Variants in GABBR2 observed in about 807,000 individuals in gnomAD.
The protein encoded by GABBR2 is G-protein coupled receptor 51.
GABBR2 carries 23 observed loss-of-function variants against 105.6 expected under a neutral mutation model. That is an observed-to-expected ratio of 0.22 (90% CI 0.16 to 0.31). GABBR2 has a LOEUF of 0.31. Among genes scored for constraint, GABBR2 ranks in the 10% least tolerant of loss-of-function variants. The pLI, the probability that GABBR2 is intolerant of heterozygous loss-of-function variation, is 1.00. For missense variants in GABBR2, 734 were observed against 1,245.5 expected (o/e 0.59, Z 6.18); for synonymous variants, 478 against 499.7 (o/e 0.96, Z 0.58).
At chr9:98,688,980 C>T (rs1830653523) in intron 1 of GABBR2, among the ~76,000 whole-genome samples, 1 of 152,206 alleles carries the variant, frequency 6.6e-6, no homozygotes, top group African/African-American at 2.4e-5. Flanking sequence ...ACGTTCAGGA[C>T]AGATAAGCCA....
chr9:98,660,350 G>T (rs139607893), intron 1 of GABBR2, among the ~76,000 whole-genome samples: 1 of 152,270 alleles, frequency 6.6e-6, no homozygotes, highest in African/African-American at 2.4e-5. Context: ...ATGAAAATAC[G>T]TATTTCCTTA....
chr9:98,288,545 T>TG lies in GABBR2; in HGVS notation c.*2038_*2039insC, dbSNP rs796982372. Reference sequence around the variant, plus strand: ...ATAATATTTCTACAGGTATTTTTTTTTGTGTGTGTGTATACATTATGTACA... The same window carrying TG: ...ATAATATTTCTACAGGTATTTTTTTTGTGTGTGTGTGTATACATTATGTACA... On this transcript the variant is annotated 3_prime_UTR_variant, in exon 19 of 19. Coordinates refer to ENST00000259455, the MANE Select transcript of GABBR2 (RefSeq NM_005458.8). 24 of 152,416 alleles carry TG rather than the reference T, an allele frequency of 1.6e-4. No homozygotes were observed. Among genetic ancestry groups the TG allele is most frequent in the African/African-American group, 5.5e-4 (23 of 41,494 alleles). The allele number at this position is 152,416 out of a possible 1,614,324, so 9.4% of individuals were successfully genotyped here. A position where few individuals can be genotyped will look rare whatever the true frequency, so the allele number is the denominator to read the frequency against.
chr9:98,478,911 C>T (rs1244007895), intron 5 of GABBR2, among the ~76,000 whole-genome samples: 1 of 152,128 alleles, frequency 6.6e-6, no homozygotes, highest in South Asian at 2.1e-4. Flanking sequence ...CCACCATGTA[C>T]CAGCTCCTTG....
chr9:98,460,247 G>T (rs1338368563), intron 6 of GABBR2, among the ~76,000 whole-genome samples: 4 of 152,166 alleles, frequency 2.6e-5, no homozygotes, highest in Non-Finnish European at 5.9e-5. Context: ...GCCAGGCATG[G>T]TGGCGGGCAC....
intron 16 of GABBR2, 30 bp from the exon 17 acceptor site, chr9:98,299,383 G>T: frequency 6.2e-7 from 1 of 1,613,214 alleles, no homozygotes; most frequent in Non-Finnish European, 8.5e-7. Context: ...GTTGAGTCAG[G>T]TCCCTGGCCC....
At chr9:98,564,876 C>T (rs1828727951) in intron 2 of GABBR2, among the ~76,000 whole-genome samples, 1 of 152,090 alleles carries the variant, frequency 6.6e-6, no homozygotes, top group Non-Finnish European at 1.5e-5. Context: ...GTACCTCCTC[C>T]AGCTGGGACC....
chr9:98,631,565 T>C lies in GABBR2; in HGVS notation c.322-53493A>G, dbSNP rs181344507. 2.0e-5 allele frequency among the ~76,000 whole-genome samples: 3 copies of C among 152,320 alleles called. No homozygotes were observed. In the East Asian group the frequency reaches 5.8e-4, roughly 29 times the overall value. On this transcript the variant is annotated intron_variant, in intron 1 of 18. Transcript: ENST00000259455. ...ACATGTTAGCCATCAATCCTGATAA[T>C]GTTAACAGTCTGACAATACTATGAT...
Position 98,625,520 on chromosome 9 carries a change from G to C in GABBR2, c.322-47448C>G, listed in dbSNP as rs149690708. Among the ~76,000 whole-genome samples the C allele has an allele frequency of 3.9e-5, 6 of 152,324 alleles. No homozygotes were observed. In the East Asian group the frequency reaches 1.2e-3, roughly 29 times the overall value. ...CTTCCTCCTGAGGGGTCTTGGAAAA[G>C]ACCCTGAGCCTCTTCTCTGGGAGGG... On this transcript the variant is annotated intron_variant, in intron 1 of 18. Transcript: ENST00000259455.
At chr9:98,310,493 C>T (rs144943059) in intron 14 of GABBR2, among the ~76,000 whole-genome samples, 82 of 152,226 alleles carry the variant, frequency 5.4e-4, no homozygotes, top group Non-Finnish European at 8.8e-4. Flanking sequence ...GGTGACCCAC[C>T]CACCTCGGCC....
intron 12 of GABBR2, among the ~76,000 whole-genome samples, chr9:98,370,159 T>C (rs585819): frequency 0.36 from 55,096 of 151,910 alleles, 12,219 homozygotes; most frequent in African/African-American, 0.63. Context: ...ATGCTTTCTG[T>C]GCCCCAGATG....
rs576660789 is a variant in GABBR2 at position 98,666,729 on chromosome 9, A to T, written c.321+41688T>A. ...GCTGGTAGCTACTATATTGGACAGC[A>T]CAGGTCTAGAGGGCCTGAGCAACAG... On this transcript the variant is annotated intron_variant, in intron 1 of 18. Coordinates refer to ENST00000259455, the MANE Select transcript of GABBR2 (RefSeq NM_005458.8). 2.1e-3 allele frequency among the ~76,000 whole-genome samples: 316 copies of T among 152,300 alleles called. 1 individual carries two copies. Among genetic ancestry groups the T allele is most frequent in the African/African-American group, 7.3e-3 (302 of 41,562 alleles).
rs545471478 is a variant in GABBR2, at chr9:98,389,134, G to A, written c.1379-130C>T. The A allele has an allele frequency of 1.4e-5, 10 of 704,584 alleles. No individual in the cohort carries two copies. In the South Asian group the frequency reaches 1.6e-4, roughly 11 times the overall value. 43.6% of individuals were successfully genotyped at this position (704,584 alleles called of 1,614,324 possible). ...TCTACACAAGGCACATCTATCTACC[G>A]GGTGAGCCAGATCCGGTGGTTGGCC... On this transcript the variant is annotated intron_variant, in intron 9 of 18. Coordinates refer to ENST00000259455, the MANE Select transcript of GABBR2 (RefSeq NM_005458.8).
At chr9:98,487,591 G>A (rs1381094501) in intron 4 of GABBR2, among the ~76,000 whole-genome samples, 9 of 150,692 alleles carry the variant, frequency 6.0e-5, no homozygotes, top group African/African-American at 2.2e-4. Context: ...TCTGGGAAAC[G>A]TGGAGAAACC....
intron 13 of GABBR2, among the ~76,000 whole-genome samples, chr9:98,350,288 A>T (rs1297061163): frequency 1.3e-5 from 2 of 150,242 alleles, no homozygotes; most frequent in Non-Finnish European, 3.0e-5. Context: ...TTAATTTTGA[A>T]TTTATTTTGT....
At chr9:98,506,069 C>T (rs553393092) in intron 3 of GABBR2, among the ~76,000 whole-genome samples, 1 of 152,184 alleles carries the variant, frequency 6.6e-6, no homozygotes, top group South Asian at 2.1e-4. Context: ...TTGTCTGTCC[C>T]AAAGATATAT....
intron 13 of GABBR2, among the ~76,000 whole-genome samples, chr9:98,322,911 T>C (rs1394869220): frequency 6.6e-6 from 1 of 152,044 alleles, no homozygotes; most frequent in East Asian, 1.9e-4. Flanking sequence ...CCCACCCCTG[T>C]CATCTGTACT....
intron 7 of GABBR2, among the ~76,000 whole-genome samples, chr9:98,415,444 G>A (rs376545275): frequency 2.6e-5 from 4 of 152,062 alleles, no homozygotes; most frequent in Non-Finnish European, 4.4e-5. Flanking sequence ...ACGTAAGCCC[G>A]TTTCCCTCTC....
chr9:98,646,483 C>A (rs530731242), intron 1 of GABBR2, among the ~76,000 whole-genome samples: 10 of 152,292 alleles, frequency 6.6e-5, no homozygotes, highest in African/African-American at 2.2e-4. Context: ...ATTCCCTTTG[C>A]GGATTCTGCT....
At chr9:98,448,916 GT>G (rs1194207664) in intron 7 of GABBR2, among the ~76,000 whole-genome samples, 2 of 114,686 alleles carry the variant, frequency 1.7e-5, no homozygotes, top group African/African-American at 3.1e-5. Context: ...ACTGGAAAGA[GT>G]TTAAAAAAAA....
Sources: allele counts gnomAD v4.1 joint callset (sites outside exome capture counted in the v4.1 genomes callset), GRCh38; gene constraint gnomAD v4.1.1; transcripts MANE v1.5; gene names NCBI Gene and HGNC (gene_info 2026-07-23, HGNC 2026-07-21).